Variants in MTHFD2L observed in about 807,000 individuals in gnomAD.
The protein encoded by MTHFD2L is methylenetetrahydrofolate dehydrogenase (NADP+ dependent) 2 like, also known as bifunctional methylenetetrahydrofolate dehydrogenase/cyclohydrolase 2, mitochondrial.
In MTHFD2L, 29 loss-of-function variants were observed where a neutral mutation model predicts 34.9. That is an observed-to-expected ratio of 0.83 (90% CI 0.62 to 1.13). The LOEUF is 1.13. MTHFD2L is among the 50% of genes most tolerant of loss of function. The pLI is 0.00. For missense variants in MTHFD2L, 481 were observed against 446.5 expected (o/e 1.08, Z -0.70); for synonymous variants, 167 against 155.7 (o/e 1.07, Z -0.54).
At chr4:74,291,006 T>C (rs1184495742) in intron 7 of MTHFD2L, among the ~76,000 whole-genome samples, 1 of 19,042 alleles carries the variant, frequency 5.3e-5, no homozygotes, top group Non-Finnish European at 8.8e-5. Flanking sequence ...TCCTTTTCTT[T>C]TTTTTTTTTT....
chr4:74,164,914 A>C, intron 1 of MTHFD2L: 1 of 948,086 alleles, frequency 1.1e-6, no homozygotes, highest in Admixed American at 6.2e-5. Context: ...TCTTGCCTTT[A>C]GGGGAAGGTC....
intron 1 of MTHFD2L, among the ~76,000 whole-genome samples, chr4:74,139,909 C>T (rs1262176002): frequency 6.6e-6 from 1 of 151,896 alleles, no homozygotes; most frequent in Non-Finnish European, 1.5e-5. Flanking sequence ...TTGGCTATAC[C>T]ACTTACTAGA....
upstream of MTHFD2L, among the ~76,000 whole-genome samples, chr4:74,119,847 T>A (rs1721722148): frequency 6.6e-6 from 1 of 152,134 alleles, no homozygotes; most frequent in Non-Finnish European, 1.5e-5. Flanking sequence ...TTGCACCAGA[T>A]AATTCACATT....
chr4:74,300,939 G>T (rs1304844685), intron 7 of MTHFD2L, among the ~76,000 whole-genome samples: 1 of 152,034 alleles, frequency 6.6e-6, no homozygotes, highest in African/African-American at 2.4e-5. Context: ...GATCATGGTT[G>T]TTCACCTTTG....
chr4:74,278,699 T>G (rs1221281258), intron 6 of MTHFD2L, among the ~76,000 whole-genome samples: 1 of 152,044 alleles, frequency 6.6e-6, no homozygotes, highest in Non-Finnish European at 1.5e-5. Context: ...TAGCTTGAGC[T>G]TGTTTTCATG....
At chr4:74,115,864 G>A (rs890108746) in intron 2 of MTHFD2L, among the ~76,000 whole-genome samples, 2 of 152,242 alleles carry the variant, frequency 1.3e-5, no homozygotes, top group South Asian at 4.1e-4. Flanking sequence ...TGCTACTACA[G>A]GTACATGCTC....
chr4:74,145,360 G>C (rs986938258), intron 1 of MTHFD2L, among the ~76,000 whole-genome samples: 3 of 152,116 alleles, frequency 2.0e-5, no homozygotes, highest in Non-Finnish European at 4.4e-5. Context: ...AGGAGGATGT[G>C]CATAAGTTCT....
chr4:74,297,888 C>T (rs932893859), intron 7 of MTHFD2L, among the ~76,000 whole-genome samples: 2 of 152,066 alleles, frequency 1.3e-5, no homozygotes, highest in Non-Finnish European at 2.9e-5. Context: ...TTTTGTTAAG[C>T]ATTGACATCT....
chr4:74,177,714 G>T (rs1729312943), intron 3 of MTHFD2L, among the ~76,000 whole-genome samples: 5 of 151,798 alleles, frequency 3.3e-5, no homozygotes, highest in Admixed American at 3.3e-4. Context: ...ATTAAAAATA[G>T]AATACCGTAT....
intron 5 of MTHFD2L, among the ~76,000 whole-genome samples, chr4:74,205,973 G>A (rs977326102): frequency 5.3e-5 from 8 of 152,238 alleles, no homozygotes; most frequent in African/African-American, 1.9e-4. Flanking sequence ...GACATGAAGA[G>A]AATGAGCTCC....
chr4:74,170,580 A>C (rs1727705319), intron 1 of MTHFD2L, among the ~76,000 whole-genome samples: 1 of 152,226 alleles, frequency 6.6e-6, no homozygotes, highest in Non-Finnish European at 1.5e-5. Context: ...TAAAAGGAAA[A>C]AATAATAAAT....
intron 1 of MTHFD2L, chr4:74,162,205 C>T (rs984056858): frequency 1.3e-5 from 2 of 152,186 alleles, no homozygotes; most frequent in Non-Finnish European, 2.9e-5. Flanking sequence ...TTTTTATTAG[C>T]ATTTCAATGA....
chr4:74,196,595 C>CT (rs969983706), intron 3 of MTHFD2L, among the ~76,000 whole-genome samples: 20 of 151,358 alleles, frequency 1.3e-4, no homozygotes, highest in East Asian at 3.9e-4. Context: ...TTGTTTGTTC[C>CT]TTTTTTTTTC....
At chr4:74,189,107 G>A (rs934829458) in intron 3 of MTHFD2L, among the ~76,000 whole-genome samples, 7 of 151,996 alleles carry the variant, frequency 4.6e-5, no homozygotes, top group Non-Finnish European at 8.8e-5. Context: ...GATAACTTTT[G>A]TTTGGGGTAG....
At chr4:74,214,326 T>C (rs570294530) in intron 5 of MTHFD2L, among the ~76,000 whole-genome samples, 1 of 151,800 alleles carries the variant, frequency 6.6e-6, no homozygotes, top group Non-Finnish European at 1.5e-5. Flanking sequence ...TTTGTGCTGG[T>C]TTTTCCTCAT....
intron 5 of MTHFD2L, among the ~76,000 whole-genome samples, chr4:74,217,428 A>G (rs1279864321): frequency 6.6e-6 from 1 of 151,912 alleles, no homozygotes; most frequent in Non-Finnish European, 1.5e-5. Flanking sequence ...TCATTTGTCT[A>G]AAAGAGATCT....
chr4:74,131,260 A>G (rs1005196872), intron 1 of MTHFD2L, among the ~76,000 whole-genome samples: 6 of 152,242 alleles, frequency 3.9e-5, no homozygotes, highest in Admixed American at 1.3e-4. Context: ...GAAACAAAAA[A>G]GAGCCCATAT....
chr4:74,289,405 A>T (rs527842781), intron 7 of MTHFD2L, among the ~76,000 whole-genome samples: 233 of 152,282 alleles, frequency 1.5e-3, no homozygotes, highest in Non-Finnish European at 2.5e-3. Context: ...GGGCCATTGT[A>T]ACTGAAACAG....
intron 6 of MTHFD2L, among the ~76,000 whole-genome samples, chr4:74,234,295 G>A (rs1005171112): frequency 2.0e-5 from 3 of 151,878 alleles, no homozygotes; most frequent in Non-Finnish European, 4.4e-5. Context: ...TAATTAAAAC[G>A]TTAACACTTA....
Sources: gnomAD v4.1 joint callset for allele counts (sites outside exome capture counted in the v4.1 genomes callset) on GRCh38, gnomAD v4.1.1 for gene constraint, MANE v1.5 for transcripts, NCBI Gene and HGNC (gene_info 2026-07-23, HGNC 2026-07-21) for gene names.